The following CSMD1 variants were observed in gnomAD, a reference collection of about 807,000 sequenced individuals.
CSMD1 encodes CUB and sushi domain-containing protein 1.
Under a neutral mutation model 417.5 loss-of-function variants are expected in CSMD1, and 213 were observed. The ratio of observed to expected loss-of-function variants is 0.51; its 90% confidence interval spans 0.46 to 0.57. The LOEUF (loss-of-function observed/expected upper bound fraction) is 0.57, where lower values mean the gene tolerates loss of function less well. Ranked by LOEUF, CSMD1 falls within the 20% of genes least tolerant of loss-of-function variation. The pLI, the probability that CSMD1 is intolerant of heterozygous loss-of-function variation, is 0.00. For synonymous variants in CSMD1, 2,862 were observed against 1,736.8 expected, an observed-to-expected ratio of 1.65 and a Z score of -16.11; for missense variants, 6,923 against 4,529.7, an observed-to-expected ratio of 1.53 and a Z score of -15.17.
Position 3,187,893 on chromosome 8 carries a change from C to G in CSMD1, c.5596G>C (p.Ala1866Pro). The change falls in exon 36 of 70, where the codon GCA (alanine) becomes CCA (proline). Residue 1866 changes from alanine to proline, a missense_variant. Transcript: ENST00000635120. Reference protein sequence around the residue: ...LEIHDGGDVTAPRLGSFSGTT... With the variant: ...LEIHDGGDVTPPRLGSFSGTT... Reference sequence around the variant, plus strand: ...CCTGAGAAGCTTCCCAGTCTGGGTGCGGTCACATCCCCACCATCGTGGATC... The same window carrying G: ...CCTGAGAAGCTTCCCAGTCTGGGTGGGGTCACATCCCCACCATCGTGGATC... 1 of 1,612,584 alleles carries G rather than the reference C, an allele frequency of 6.2e-7. No individual in the cohort carries two copies. The highest frequency in any genetic ancestry group is 8.5e-7 in the Non-Finnish European group (1 of 1,179,204).
chr8:3,982,703 G>C (rs111758911), intron 5 of CSMD1, among the ~76,000 whole-genome samples: 1 of 152,086 alleles, frequency 6.6e-6, no homozygotes, highest in Non-Finnish European at 1.5e-5. Flanking sequence ...CATAAGATCA[G>C]GAGGCAGAGG....
At chr8:4,506,616 C>T (rs1246730675) in intron 2 of CSMD1, among the ~76,000 whole-genome samples, 1 of 152,168 alleles carries the variant, frequency 6.6e-6, no homozygotes, top group Non-Finnish European at 1.5e-5. Context: ...AAGACTTTCA[C>T]ATGAGCAACA....
rs74757279 is a variant in CSMD1, at chr8:4,024,934, G to T, written c.610+6971C>A. The stretch of plus-strand genomic sequence containing the variant: ...AAGCATGTAAAAAGGTGGTGTTCAG[G>T]TGAGGGAGCATGAATCTTTGTCTGA... On this transcript the variant is annotated intron_variant, in intron 4 of 69. Transcript: ENST00000635120. 3.1e-3 allele frequency among the ~76,000 whole-genome samples: 471 copies of T among 152,318 alleles called. 2 individuals carry two copies. Among genetic ancestry groups the T allele is most frequent in the African/African-American group, 0.011 (437 of 41,572 alleles).
At chr8:3,772,292 C>A (rs963373451) in intron 5 of CSMD1, among the ~76,000 whole-genome samples, 1 of 141,152 alleles carries the variant, frequency 7.1e-6, no homozygotes, top group African/African-American at 2.7e-5. Context: ...TTTAGACATA[C>A]ATATGTACAT....
At chr8:3,057,196 T>A (rs1213858127) in intron 49 of CSMD1, among the ~76,000 whole-genome samples, 1 of 152,072 alleles carries the variant, frequency 6.6e-6, no homozygotes, top group Non-Finnish European at 1.5e-5. Context: ...TACCTATGAG[T>A]ATCATATATA....
chr8:3,932,054 T>G (rs1217283232), intron 5 of CSMD1, among the ~76,000 whole-genome samples: 2 of 149,640 alleles, frequency 1.3e-5, no homozygotes, highest in African/African-American at 2.5e-5. Flanking sequence ...CATCAGAGAG[T>G]AGGATTCAAT....
chr8:4,594,403 T>G (rs1800151426), intron 2 of CSMD1, among the ~76,000 whole-genome samples: 1 of 151,934 alleles, frequency 6.6e-6, no homozygotes, highest in African/African-American at 2.4e-5. Flanking sequence ...TTTCACCATG[T>G]TGGCCAGGCT....
chr8:4,260,777 C>G (rs987123082), intron 3 of CSMD1, among the ~76,000 whole-genome samples: 1 of 152,100 alleles, frequency 6.6e-6, no homozygotes, highest in East Asian at 1.9e-4. Flanking sequence ...ATAGGACATA[C>G]AACTTGAGCA....
chr8:4,511,440 T>C (rs1374259893), intron 2 of CSMD1, among the ~76,000 whole-genome samples: 2 of 152,208 alleles, frequency 1.3e-5, no homozygotes, highest in Non-Finnish European at 2.9e-5. Flanking sequence ...AGATTATTGT[T>C]TTAAAAAGCA....
chr8:4,118,047 G>T (rs1802261052), intron 3 of CSMD1, among the ~76,000 whole-genome samples: 1 of 151,904 alleles, frequency 6.6e-6, no homozygotes, highest in African/African-American at 2.4e-5. Flanking sequence ...AGTCATCAGG[G>T]AACAATGAAG....
intron 3 of CSMD1, among the ~76,000 whole-genome samples, chr8:4,399,421 A>G (rs916411936): frequency 6.6e-6 from 1 of 152,230 alleles, no homozygotes; most frequent in African/African-American, 2.4e-5. Context: ...TTAACGTCAT[A>G]TGTGAGAAAT....
At chr8:4,158,377 A>G (rs1444825700) in intron 3 of CSMD1, among the ~76,000 whole-genome samples, 2 of 152,128 alleles carry the variant, frequency 1.3e-5, no homozygotes, top group African/African-American at 4.8e-5. Flanking sequence ...AGTAATATGA[A>G]TACAGCCACT....
intron 5 of CSMD1, among the ~76,000 whole-genome samples, chr8:3,895,965 T>C (rs1041006664): frequency 6.6e-6 from 1 of 152,156 alleles, no homozygotes; most frequent in African/African-American, 2.4e-5. Context: ...TAAAAGATAG[T>C]CCTGTTAACC....
intron 1 of CSMD1, among the ~76,000 whole-genome samples, chr8:4,880,058 T>C (rs1051563890): frequency 3.3e-5 from 5 of 152,090 alleles, no homozygotes; most frequent in African/African-American, 1.2e-4. Context: ...AGTAATCTCC[T>C]ACCTTTCTGC....
intron 7 of CSMD1, among the ~76,000 whole-genome samples, chr8:3,667,146 G>C (rs1012834057): frequency 6.6e-6 from 1 of 152,034 alleles, no homozygotes; most frequent in African/African-American, 2.4e-5. Context: ...GAGGTAAAGG[G>C]GGGCTGTTCT....
At chr8:2,991,041 A>G (rs1585105373) in intron 54 of CSMD1, among the ~76,000 whole-genome samples, 1 of 152,174 alleles carries the variant, frequency 6.6e-6, no homozygotes, top group African/African-American at 2.4e-5. Flanking sequence ...AGATACACCA[A>G]TTCAGATAAA....
rs551149416 is a variant in CSMD1, at chr8:4,761,659, C to G, written c.86-124101G>C. On this transcript the variant is annotated intron_variant, in intron 1 of 69. Coordinates refer to ENST00000635120, the MANE Select transcript of CSMD1 (RefSeq NM_033225.6). ...TCATTATAATTCAGAAGCATATAGA[C>G]TACCTTTATTAAAATAATTAGGTGT... is the stretch of plus-strand genomic sequence containing the variant. Among the ~76,000 whole-genome samples, 24 of 152,194 alleles carry G rather than the reference C, an allele frequency of 1.6e-4. No homozygotes were observed. The South Asian group carries it at 4.4e-3, about 28-fold the overall frequency.
At chr8:3,073,880 G>C (rs1405630994) in intron 49 of CSMD1, among the ~76,000 whole-genome samples, 1 of 151,870 alleles carries the variant, frequency 6.6e-6, no homozygotes, top group African/African-American at 2.4e-5. Context: ...CATTTTGACT[G>C]TTAGATGTGC....
At chr8:3,439,877 G>C (rs1449478889) in intron 12 of CSMD1, among the ~76,000 whole-genome samples, 1 of 152,132 alleles carries the variant, frequency 6.6e-6, no homozygotes, top group African/African-American at 2.4e-5. Flanking sequence ...GCCTATGTAT[G>C]TCCAGTTGTC....
Sources: allele counts gnomAD v4.1 joint callset (sites outside exome capture counted in the v4.1 genomes callset), GRCh38; gene constraint gnomAD v4.1.1; transcripts MANE v1.5; gene names NCBI Gene and HGNC (gene_info 2026-07-23, HGNC 2026-07-21).